AKAP19: variants seen among roughly 807,000 people sequenced by gnomAD.
AKAP19 encodes A-kinase anchoring protein 19, also known as small A-kinase anchoring protein.
At chr2:190,143,616 A>G in the AKAP19 span, among the ~76,000 whole-genome samples, 1 of 152,176 alleles carries the variant, frequency 6.6e-6, no homozygotes, top group African/African-American at 2.4e-5. Flanking sequence ...GGATTTCTTC[A>G]AGAGTTTTTG....
At chr2:190,182,067 A>G in the AKAP19 span, among the ~76,000 whole-genome samples, 2 of 152,238 alleles carry the variant, frequency 1.3e-5, no homozygotes. Context: ...GGATGCTTTA[A>G]AATTGTAGAC....
chr2:190,169,034 T>G, the AKAP19 span, among the ~76,000 whole-genome samples: 5 of 152,234 alleles, frequency 3.3e-5, no homozygotes, highest in Non-Finnish European at 5.9e-5. Flanking sequence ...TTTATGCTGC[T>G]GATAAACACA....
chr2:189,950,482 C>G, the AKAP19 span, among the ~76,000 whole-genome samples: 1 of 151,714 alleles, frequency 6.6e-6, no homozygotes, highest in African/African-American at 2.4e-5. Flanking sequence ...ACCTTCAGAC[C>G]AGGCTTATCT....
the AKAP19 span, among the ~76,000 whole-genome samples, chr2:190,070,623 C>G: frequency 3.3e-4 from 41 of 126,030 alleles, no homozygotes; most frequent in African/African-American, 8.3e-4. Context: ...CTCCCCCCCC[C>G]CTTTTTTTTT....
the AKAP19 span, chr2:190,057,209 G>A: frequency 6.8e-6 from 11 of 1,606,992 alleles, no homozygotes; most frequent in African/African-American, 2.7e-5. Context: ...AAATTGTTGA[G>A]GGGAAAACCT....
At chr2:190,167,675 G>T in the AKAP19 span, among the ~76,000 whole-genome samples, 1 of 152,172 alleles carries the variant, frequency 6.6e-6, no homozygotes, top group African/African-American at 2.4e-5. Flanking sequence ...AGGGGCTACC[G>T]GCCCCATGCA....
At chr2:190,192,006 G>A in the AKAP19 span, among the ~76,000 whole-genome samples, 3 of 150,316 alleles carry the variant, frequency 2.0e-5, no homozygotes, top group South Asian at 6.3e-4. Flanking sequence ...CATGGTTCAT[G>A]CTTTTGGTAT....
At chr2:189,938,846 C>A in the AKAP19 span, among the ~76,000 whole-genome samples, 3 of 152,088 alleles carry the variant, frequency 2.0e-5, no homozygotes, top group South Asian at 2.1e-4. Flanking sequence ...TATATCTACC[C>A]ACAAAAATTA....
the AKAP19 span, among the ~76,000 whole-genome samples, chr2:190,174,954 C>G: frequency 1.3e-5 from 2 of 152,092 alleles, no homozygotes; most frequent in Non-Finnish European, 2.9e-5. Context: ...ACATTTCATG[C>G]CTTCCTTGTG....
chr2:190,026,855 A>G, the AKAP19 span, among the ~76,000 whole-genome samples: 2 of 152,216 alleles, frequency 1.3e-5, no homozygotes, highest in African/African-American at 4.8e-5. Context: ...TATTTGGAGC[A>G]TTTGGTATAC....
At chr2:189,904,982 T>C in the AKAP19 span, among the ~76,000 whole-genome samples, 2 of 152,024 alleles carry the variant, frequency 1.3e-5, no homozygotes, top group African/African-American at 2.4e-5. Flanking sequence ...TGTATATTTA[T>C]GTATCTCTTC....
At chr2:190,086,529 T>C in the AKAP19 span, among the ~76,000 whole-genome samples, 1 of 152,192 alleles carries the variant, frequency 6.6e-6, no homozygotes, top group African/African-American at 2.4e-5. Context: ...GTCTACACAA[T>C]TTATGAGGCC....
the AKAP19 span, among the ~76,000 whole-genome samples, chr2:189,958,430 T>C: frequency 1.3e-5 from 2 of 151,370 alleles, no homozygotes; most frequent in East Asian, 3.9e-4. Flanking sequence ...AGCGTATAAA[T>C]TGGTAAAAAG....
At chr2:189,925,635 G>T in the AKAP19 span, among the ~76,000 whole-genome samples, 1 of 152,084 alleles carries the variant, frequency 6.6e-6, no homozygotes, top group Non-Finnish European at 1.5e-5. Flanking sequence ...ATGATCTTTG[G>T]GTTCACTTTC....
chr2:190,016,883 T>A, the AKAP19 span, among the ~76,000 whole-genome samples: 1 of 152,176 alleles, frequency 6.6e-6, no homozygotes, highest in Non-Finnish European at 1.5e-5. Context: ...AAAGTTGGAG[T>A]ATTGAGGTCC....
the AKAP19 span, among the ~76,000 whole-genome samples, chr2:190,020,458 A>G: frequency 4.6e-5 from 7 of 152,302 alleles, no homozygotes; most frequent in Admixed American, 1.3e-4. Flanking sequence ...TCAGATATCA[A>G]GATCAGGGTC....
At chr2:190,138,588 A>G in the AKAP19 span, among the ~76,000 whole-genome samples, 3 of 152,240 alleles carry the variant, frequency 2.0e-5, no homozygotes, top group South Asian at 4.2e-4. Flanking sequence ...TCATTTTCTT[A>G]CAGCTGTCCA....
the AKAP19 span, chr2:190,203,043 T>G: frequency 6.0e-6 from 1 of 167,170 alleles, no homozygotes. Context: ...AAATAATTTG[T>G]CAAACTGCCT....
At chr2:189,996,206 T>G in the AKAP19 span, among the ~76,000 whole-genome samples, 1 of 152,232 alleles carries the variant, frequency 6.6e-6, no homozygotes, top group Non-Finnish European at 1.5e-5. Context: ...ACATTTAGAT[T>G]CCTCTTCTTC....
Sources: gnomAD v4.1 joint callset for allele counts (sites outside exome capture counted in the v4.1 genomes callset) on GRCh38, gnomAD v4.1.1 for gene constraint, MANE v1.5 for transcripts, NCBI Gene and HGNC (gene_info 2026-07-23, HGNC 2026-07-21) for gene names.